The following SEPTIN3 variants were observed in gnomAD, a reference collection of about 807,000 sequenced individuals.
The protein encoded by SEPTIN3 is septin 3.
SEPTIN3 carries 15 observed loss-of-function variants against 45.1 expected under a neutral mutation model. That is an observed-to-expected ratio of 0.33 (90% CI 0.22 to 0.51). The LOEUF (loss-of-function observed/expected upper bound fraction) is 0.51, where lower values mean the gene tolerates loss of function less well. Ranked by LOEUF, SEPTIN3 falls within the 20% of genes least tolerant of loss-of-function variation. The pLI is 0.97. For missense variants in SEPTIN3, 289 were observed against 457.2 expected, an observed-to-expected ratio of 0.63 and a Z score of 3.35; for synonymous variants, 148 against 164.8, an observed-to-expected ratio of 0.90 and a Z score of 0.78.
intron 2 of SEPTIN3, among the ~76,000 whole-genome samples, chr22:41,977,658 A>G: frequency 8.8e-6 from 1 of 113,046 alleles, no homozygotes; most frequent in Non-Finnish European, 1.9e-5. Flanking sequence ...GGGGTCCTGA[A>G]GGCTGCGGGG....
At chr22:41,995,780 A>C in intron 11 of SEPTIN3, 1 of 954,508 alleles carries the variant, frequency 1.0e-6, no homozygotes, top group Non-Finnish European at 1.2e-6. Flanking sequence ...GCTCACAGGC[A>C]GCCAATGTAA....
At position 41,972,026 on chromosome 22, in the gene SEPTIN3, G is replaced by T. The variant is rs112493681; in HGVS notation, c.534G>T (p.Arg178Ser). Residue 178 changes from arginine to serine, a missense_variant, in exon 2 of 12, where the codon AGG becomes AGT. Physicochemically the swap from Arg to Ser is moderately radical, Grantham distance 110 (BLOSUM62 -1). Around this residue, in one of 3 missense-constraint regions of SEPTIN3, gnomAD observed 200 missense variants for 315.1 expected, o/e 0.63. Coordinates refer to ENST00000644076, the MANE Select transcript of SEPTIN3 (RefSeq NM_001363845.2). ...PGNPGLTKSN[R>S]MLATEKPLVS... Reference sequence around the variant, plus strand: ...ACCCAGGTCTGACCAAATCCAACAGGATGCTTGCCACGGAGAAGCCCCTGG... The same window carrying T: ...ACCCAGGTCTGACCAAATCCAACAGTATGCTTGCCACGGAGAAGCCCCTGG... 502 of 399,116 alleles carry T rather than the reference G, an allele frequency of 1.3e-3. 2 individuals are homozygous for T. The highest frequency in any genetic ancestry group is 9.3e-3 in the African/African-American group (453 of 48,744). The allele number at this position is 399,116 out of a possible 1,614,324, so 24.7% of individuals were successfully genotyped here.
intron 9 of SEPTIN3, among the ~76,000 whole-genome samples, chr22:41,993,760 C>G (rs546268059): frequency 1.3e-5 from 2 of 152,316 alleles, no homozygotes; most frequent in East Asian, 3.9e-4. Flanking sequence ...TCCCAAAGTG[C>G]TGGGATTACA....
chr22:41,986,612 G>A (rs2078212571), intron 4 of SEPTIN3, among the ~76,000 whole-genome samples: 1 of 152,040 alleles, frequency 6.6e-6, no homozygotes. Context: ...CCATTCTCCT[G>A]CCTCAGCCTC....
At chr22:41,977,494 C>T (rs2078048840) in intron 2 of SEPTIN3, among the ~76,000 whole-genome samples, 2 of 152,152 alleles carry the variant, frequency 1.3e-5, no homozygotes, top group Non-Finnish European at 2.9e-5. Context: ...CAAGGGAACC[C>T]GTTGGCCTCC....
chr22:41,971,363 G>C (rs999146507), intron 1 of SEPTIN3, 111 bp from the exon 2 acceptor site: 2 of 397,880 alleles, frequency 5.0e-6, no homozygotes, highest in East Asian at 3.6e-5. Context: ...CCAGAACCAG[G>C]CCCCTTCAGA....
At chr22:41,970,023 G>A (rs954528721) in intron 1 of SEPTIN3, among the ~76,000 whole-genome samples, 1 of 151,934 alleles carries the variant, frequency 6.6e-6, no homozygotes, top group African/African-American at 2.4e-5. Context: ...AGGGATGAGG[G>A]GCTGGGGGCA....
At chr22:41,983,594 C>T (rs1167941222) in intron 3 of SEPTIN3, among the ~76,000 whole-genome samples, 2 of 152,208 alleles carry the variant, frequency 1.3e-5, no homozygotes, top group Non-Finnish European at 2.9e-5. Context: ...ACTCCTCACT[C>T]AGAAGAGGCA....
At chr22:41,980,119 T>C (rs1450523700) in intron 2 of SEPTIN3, among the ~76,000 whole-genome samples, 2 of 150,558 alleles carry the variant, frequency 1.3e-5, no homozygotes, top group Admixed American at 6.6e-5. Flanking sequence ...TGTAAGATAT[T>C]GCTCAGTGCC....
chr22:41,986,324 G>A (rs1338105295), intron 4 of SEPTIN3, among the ~76,000 whole-genome samples: 2 of 152,170 alleles, frequency 1.3e-5, no homozygotes, highest in Non-Finnish European at 2.9e-5. Context: ...GAGATTTGAG[G>A]TGGATGATAA....
At chr22:41,988,468 G>C (rs1201020208) in intron 6 of SEPTIN3, among the ~76,000 whole-genome samples, 1 of 152,126 alleles carries the variant, frequency 6.6e-6, no homozygotes, top group Non-Finnish European at 1.5e-5. Context: ...TGCTGGGCCA[G>C]AGTTAAGCTC....
rs903615566 is a variant in SEPTIN3 at position 41,997,204 on chromosome 22, C to T, written c.*237C>T. 1.3e-5 allele frequency: 9 copies of T among 702,704 alleles called. No individual in the cohort carries two copies. Among genetic ancestry groups the T allele is most frequent in the Admixed American group, 3.1e-5 (1 of 32,022 alleles). 43.5% of individuals were successfully genotyped at this position (702,704 alleles called of 1,614,324 possible). The stretch of plus-strand genomic sequence containing the variant: ...TACAGCCCTACTGCATCATCTGCGT[C>T]AGCCGGTCCTAGCCCATCTGCAGGG... On this transcript the variant is annotated 3_prime_UTR_variant, in exon 12 of 12. Coordinates refer to ENST00000644076, the MANE Select transcript of SEPTIN3 (RefSeq NM_001363845.2).
chr22:41,990,289 C>T (rs1213844868), intron 7 of SEPTIN3, among the ~76,000 whole-genome samples: 2 of 151,368 alleles, frequency 1.3e-5, no homozygotes, highest in African/African-American at 2.4e-5. Flanking sequence ...CTCCTGACCT[C>T]GTGATCTGCC....
At chr22:41,980,918 G>A (rs531612479) in intron 2 of SEPTIN3, among the ~76,000 whole-genome samples, 60 of 152,214 alleles carry the variant, frequency 3.9e-4, no homozygotes, top group African/African-American at 1.4e-3. Flanking sequence ...GCTCCTTCAG[G>A]TACAGACACC....
At chr22:41,990,441 T>C (rs1305583397) in intron 7 of SEPTIN3, among the ~76,000 whole-genome samples, 1 of 151,832 alleles carries the variant, frequency 6.6e-6, no homozygotes, top group African/African-American at 2.4e-5. Flanking sequence ...AGACAATTGC[T>C]GCCTTTAAGA....
chr22:41,976,926 C>A lies in SEPTIN3; in HGVS notation c.1504+3930C>A, dbSNP rs2078034348. 1.6e-5 allele frequency: 8 copies of A among 497,608 alleles called. No individual in the cohort carries two copies. Among genetic ancestry groups the A allele is most frequent in the Non-Finnish European group, 2.2e-5 (8 of 358,898 alleles). The allele number at this position is 497,608 out of a possible 1,614,324, so 30.8% of individuals were successfully genotyped here. A position where few individuals can be genotyped will look rare whatever the true frequency, so the allele number is the denominator to read the frequency against. On this transcript the variant is annotated intron_variant, in intron 2 of 11. Transcript: ENST00000644076. The surrounding 1 kb of genome is among the most constrained non-coding windows in gnomAD (Gnocchi z 5.8). ...GGGGCGGCGCGGCGGGGCCGCGGGC[C>A]GGGCGGGTGGGAGGAGAGCGCGAAG...
At chr22:41,974,398 C>G (rs533497761) in intron 2 of SEPTIN3, among the ~76,000 whole-genome samples, 1 of 151,994 alleles carries the variant, frequency 6.6e-6, no homozygotes, top group African/African-American at 2.4e-5. Flanking sequence ...GGCGTGGTGG[C>G]TCACACCTAT....
rs979158163 is a variant in SEPTIN3, at chr22:41,971,574, C to A, written c.82C>A (p.His28Asn). The A allele has an allele frequency of 5.0e-6, 2 of 399,090 alleles. No individual in the cohort carries two copies. The highest frequency in any genetic ancestry group is 4.1e-5 in the African/African-American group (2 of 48,618). The allele number at this position is 399,090 out of a possible 1,614,324, so 24.7% of individuals were successfully genotyped here. Reference sequence around the variant, plus strand: ...CCCGGGAACCTCCTTCTCCCATAGCCATGTGCTGGGGCGCCCTATCCGCCC... The same window carrying A: ...CCCGGGAACCTCCTTCTCCCATAGCAATGTGCTGGGGCGCCCTATCCGCCC... Reference protein sequence around the residue: ...PGPGTSFSHSHVLGRPIRPSR... With the variant: ...PGPGTSFSHSNVLGRPIRPSR... Residue 28 changes from histidine (H) to asparagine (N), a missense_variant, in exon 2 of 12, where the codon CAT becomes AAT. Transcript: ENST00000644076.
At chr22:41,990,049 CTTTG>C (rs2078279870) in intron 7 of SEPTIN3, among the ~76,000 whole-genome samples, 1 of 133,334 alleles carries the variant, frequency 7.5e-6, no homozygotes, top group South Asian at 2.4e-4. Context: ...GGCATCTTCT[CTTTG>C]TTTTTTTTTT....
Sources: gnomAD v4.1 joint callset for allele counts (sites outside exome capture counted in the v4.1 genomes callset) on GRCh38, gnomAD v4.1.1 for gene constraint, gnomAD v4.1.1 regional missense constraint, Gnocchi (gnomAD v3.1) non-coding constraint, MANE v1.5 for transcripts, NCBI Gene and HGNC (gene_info 2026-07-23, HGNC 2026-07-21) for gene names.